The following PDZRN4 variants were observed in gnomAD, a reference collection of about 807,000 sequenced individuals.
The protein encoded by PDZRN4 is PDZ domain-containing RING finger protein 4.
PDZRN4 carries 70 observed loss-of-function variants against 99.0 expected under a neutral mutation model. The ratio of observed to expected loss-of-function variants is 0.71; its 90% CI spans 0.58 to 0.86. PDZRN4 has a LOEUF of 0.86. Among genes scored for constraint, PDZRN4 ranks in the 40% least tolerant of loss-of-function variants. PDZRN4 has a pLI of 0.00. For missense variants in PDZRN4, 1,474 were observed against 1,331.2 expected, an observed-to-expected ratio of 1.11 and a Z score of -1.67; for synonymous variants, 551 against 501.6, an observed-to-expected ratio of 1.10 and a Z score of -1.32.
At chr12:41,271,294 T>C (rs1951312806) in intron 3 of PDZRN4, among the ~76,000 whole-genome samples, 1 of 152,100 alleles carries the variant, frequency 6.6e-6, no homozygotes, top group Admixed American at 6.6e-5. Context: ...CTGATTCTCA[T>C]TACACTTAGC....
At chr12:41,542,538 A>G (rs1301051417) in intron 5 of PDZRN4, among the ~76,000 whole-genome samples, 1 of 152,148 alleles carries the variant, frequency 6.6e-6, no homozygotes, top group Admixed American at 6.5e-5. Flanking sequence ...TCTCTCTCCC[A>G]TTCAGTGATT....
intron 5 of PDZRN4, among the ~76,000 whole-genome samples, chr12:41,525,639 T>G (rs975069136): frequency 2.0e-5 from 3 of 152,176 alleles, no homozygotes; most frequent in Admixed American, 6.5e-5. Flanking sequence ...ATATCTCTAT[T>G]CCATCATTTA....
At chr12:41,482,452 A>G (rs902696634) in intron 3 of PDZRN4, among the ~76,000 whole-genome samples, 4 of 152,178 alleles carry the variant, frequency 2.6e-5, no homozygotes, top group African/African-American at 9.6e-5. Flanking sequence ...TAGCCAACCA[A>G]TAGTATTTGT....
At chr12:41,214,434 A>AACAAAAAAAAAAAAAAAAAAAAAAAAC (rs1950908030) in intron 3 of PDZRN4, among the ~76,000 whole-genome samples, 1 of 137,388 alleles carries the variant, frequency 7.3e-6, no homozygotes, top group Non-Finnish European at 1.5e-5. Context: ...GTCCCCTAAA[A>AACAAAAAAAAAAAAAAAAAAAAAAAAC]AAAAAAAAAA....
intron 3 of PDZRN4, among the ~76,000 whole-genome samples, chr12:41,320,743 G>GA (rs5797725): frequency 6.6e-6 from 1 of 151,806 alleles, no homozygotes; most frequent in African/African-American, 2.4e-5. Flanking sequence ...ACAATACAGA[G>GA]AAAAAAAATC....
chr12:41,471,695 A>T (rs1952992097), intron 3 of PDZRN4, among the ~76,000 whole-genome samples: 1 of 150,512 alleles, frequency 6.6e-6, no homozygotes. Flanking sequence ...TTTAGCTCTT[A>T]TGATGAACTA....
At chr12:41,554,387 G>C (rs1939108854) in intron 6 of PDZRN4, among the ~76,000 whole-genome samples, 1 of 152,120 alleles carries the variant, frequency 6.6e-6, no homozygotes. Context: ...AGAAGCCACA[G>C]GATCTGAACA....
intron 3 of PDZRN4, among the ~76,000 whole-genome samples, chr12:41,415,879 CTAAGT>C (rs1952440891): frequency 6.6e-6 from 1 of 152,082 alleles, no homozygotes; most frequent in African/African-American, 2.4e-5. Context: ...TAGAATTATT[CTAAGT>C]TTTGTCTTAT....
chr12:41,282,205 A>C (rs950928017), intron 3 of PDZRN4, among the ~76,000 whole-genome samples: 1 of 152,208 alleles, frequency 6.6e-6, no homozygotes, highest in African/African-American at 2.4e-5. Flanking sequence ...AAAGCAAAAA[A>C]AACAGGGGTT....
chr12:41,418,939 A>T (rs1474875864), intron 3 of PDZRN4, among the ~76,000 whole-genome samples: 1 of 152,150 alleles, frequency 6.6e-6, no homozygotes, highest in East Asian at 1.9e-4. Flanking sequence ...TTGCAATTTG[A>T]TGGGATGCCC....
At chr12:41,259,815 A>G (rs1016239422) in intron 3 of PDZRN4, among the ~76,000 whole-genome samples, 1 of 152,136 alleles carries the variant, frequency 6.6e-6, no homozygotes, top group Non-Finnish European at 1.5e-5. Context: ...TCTTTTAGAT[A>G]TCTTCATTGG....
At chr12:41,566,122 A>G (rs1274315862) in intron 8 of PDZRN4, among the ~76,000 whole-genome samples, 1 of 152,206 alleles carries the variant, frequency 6.6e-6, no homozygotes, top group East Asian at 1.9e-4. Context: ...ACATATAATG[A>G]CTATGGCTGG....
At chr12:41,349,242 T>C (rs917584601) in intron 3 of PDZRN4, among the ~76,000 whole-genome samples, 1 of 151,994 alleles carries the variant, frequency 6.6e-6, no homozygotes, top group African/African-American at 2.4e-5. Flanking sequence ...TAACTTCTTT[T>C]CACTGTATTA....
At chr12:41,247,293 A>G (rs1313794468) in intron 3 of PDZRN4, among the ~76,000 whole-genome samples, 2 of 152,178 alleles carry the variant, frequency 1.3e-5, no homozygotes, top group African/African-American at 4.8e-5. Context: ...TAAGGTATGC[A>G]GACTGGCAGA....
chr12:41,382,422 A>G (rs1030312422), intron 3 of PDZRN4, among the ~76,000 whole-genome samples: 2 of 152,228 alleles, frequency 1.3e-5, no homozygotes, highest in Non-Finnish European at 2.9e-5. Flanking sequence ...ATTGAAGTTC[A>G]TCAAGCTTTT....
chr12:41,370,198 A>T (rs1952030993), intron 3 of PDZRN4, among the ~76,000 whole-genome samples: 1 of 151,852 alleles, frequency 6.6e-6, no homozygotes, highest in South Asian at 2.1e-4. Flanking sequence ...TTTTATCTCG[A>T]TTCTATTCCT....
chr12:41,460,056 C>T, intron 3 of PDZRN4: 1 of 1,284,832 alleles, frequency 7.8e-7, no homozygotes, highest in Non-Finnish European at 1.0e-6. Context: ...TCATTAAGCT[C>T]CTTGTGAATG....
intron 2 of PDZRN4, 149 bp downstream of exon 2, chr12:41,191,693 T>G: frequency 2.0e-6 from 1 of 488,396 alleles, no homozygotes; most frequent in Non-Finnish European, 3.6e-6. Context: ...AAATTATACT[T>G]GTGATCAAAT....
chr12:41,435,999 G>A (rs1307923911), intron 3 of PDZRN4, among the ~76,000 whole-genome samples: 1 of 152,168 alleles, frequency 6.6e-6, no homozygotes, highest in Non-Finnish European at 1.5e-5. Context: ...ATGTTTTACA[G>A]TTGCACCTGA....
Sources: gnomAD v4.1 joint callset for allele counts (sites outside exome capture counted in the v4.1 genomes callset) on GRCh38, gnomAD v4.1.1 for gene constraint, MANE v1.5 for transcripts, NCBI Gene and HGNC (gene_info 2026-07-23, HGNC 2026-07-21) for gene names.